The following NAA11 variants were observed in gnomAD, a reference collection of about 807,000 sequenced individuals.
NAA11 encodes the protein N-alpha-acetyltransferase 11, NatA catalytic subunit.
Under a neutral mutation model 16.1 loss-of-function variants are expected in NAA11, and 15 were observed. The observed-to-expected ratio is 0.93, with a 90% CI of 0.62 to 1.44. The LOEUF is 1.44. Ranked by LOEUF, NAA11 falls within the 40% of genes most tolerant of loss-of-function variation. The pLI is 0.00. For synonymous variants in NAA11, 122 were observed against 112.4 expected, an observed-to-expected ratio of 1.09 and a Z score of -0.54; for missense variants, 298 against 291.3, an observed-to-expected ratio of 1.02 and a Z score of -0.17.
At chr4:79,156,151 G>A in the NAA11 span, among the ~76,000 whole-genome samples, 3 of 152,032 alleles carry the variant, frequency 2.0e-5, no homozygotes, top group African/African-American at 7.2e-5. Context: ...ACCTACATAT[G>A]TATATTTGTA....
the NAA11 span, among the ~76,000 whole-genome samples, chr4:79,213,144 C>A: frequency 6.6e-6 from 1 of 152,126 alleles, no homozygotes; most frequent in Non-Finnish European, 1.5e-5. Context: ...GTGGGGCTAT[C>A]AAGCTAACAA....
chr4:79,235,254 C>T (rs1002929000), intron 2 of NAA11, among the ~76,000 whole-genome samples: 15 of 152,164 alleles, frequency 9.9e-5, no homozygotes, highest in South Asian at 2.1e-4. Context: ...ACAGGATTCA[C>T]GCTTCCCTGA....
At chr4:79,215,269 G>C in the NAA11 span, among the ~76,000 whole-genome samples, 7 of 152,176 alleles carry the variant, frequency 4.6e-5, no homozygotes, top group Non-Finnish European at 8.8e-5. Context: ...GAGACATTGA[G>C]TGACTTGTTT....
chr4:79,229,541 A>C (rs1721409216), intron 2 of NAA11, among the ~76,000 whole-genome samples: 1 of 151,596 alleles, frequency 6.6e-6, no homozygotes, highest in Non-Finnish European at 1.5e-5. Context: ...AATTCATAAA[A>C]ATGTTTTTGA....
chr4:79,252,132 A>G (rs966440912), intron 2 of NAA11, among the ~76,000 whole-genome samples: 4 of 152,218 alleles, frequency 2.6e-5, no homozygotes, highest in African/African-American at 9.6e-5. Context: ...AAGCTAAACA[A>G]TGGGTTGCAT....
At chr4:79,192,244 G>A in the NAA11 span, among the ~76,000 whole-genome samples, 6 of 148,808 alleles carry the variant, frequency 4.0e-5, no homozygotes, top group African/African-American at 1.5e-4. Flanking sequence ...TTTTTTTTTT[G>A]TACTTTAGGT....
downstream of NAA11, among the ~76,000 whole-genome samples, chr4:79,312,646 C>CAAG (rs1723808046): frequency 1.4e-5 from 1 of 69,448 alleles, no homozygotes; most frequent in Admixed American, 1.7e-4. Flanking sequence ...GACTCCATCT[C>CAAG]AAAAAAAAAA....
chr4:79,306,075 C>A (rs1350846434), intron 1 of NAA11, among the ~76,000 whole-genome samples: 1 of 152,152 alleles, frequency 6.6e-6, no homozygotes, highest in Non-Finnish European at 1.5e-5. Flanking sequence ...AGAATATTCA[C>A]AGCCACAGTT....
intron 1 of NAA11, among the ~76,000 whole-genome samples, chr4:79,301,029 G>A (rs1016958726): frequency 1.3e-5 from 2 of 152,170 alleles, no homozygotes; most frequent in African/African-American, 4.8e-5. Context: ...TCATGTCTCT[G>A]CCATTTATTA....
chr4:79,249,687 T>C (rs2109966993), intron 2 of NAA11, among the ~76,000 whole-genome samples: 1 of 152,326 alleles, frequency 6.6e-6, no homozygotes, highest in South Asian at 2.1e-4. Context: ...GGAAAACATA[T>C]TTCAGGATAT....
chr4:79,246,463 C>G (rs1317066049), intron 2 of NAA11, among the ~76,000 whole-genome samples: 1 of 150,386 alleles, frequency 6.6e-6, no homozygotes, highest in Non-Finnish European at 1.5e-5. Context: ...TTTAAAGAAT[C>G]CTTTAAAATG....
the NAA11 span, among the ~76,000 whole-genome samples, chr4:79,220,316 G>C: frequency 6.6e-6 from 1 of 151,960 alleles, no homozygotes; most frequent in Admixed American, 6.6e-5. Flanking sequence ...TGATCTGGAG[G>C]TCCTGACCCC....
At chr4:79,181,609 A>T in the NAA11 span, among the ~76,000 whole-genome samples, 1 of 152,186 alleles carries the variant, frequency 6.6e-6, no homozygotes, top group Non-Finnish European at 1.5e-5. Flanking sequence ...GGCACATTAT[A>T]GTTAAGTTTC....
At chr4:79,238,825 T>C (rs930327037) in intron 2 of NAA11, among the ~76,000 whole-genome samples, 9 of 152,218 alleles carry the variant, frequency 5.9e-5, no homozygotes, top group Non-Finnish European at 1.3e-4. Context: ...TAGATTTATT[T>C]GCCAGTATAT....
intron 1 of NAA11, among the ~76,000 whole-genome samples, chr4:79,295,593 C>T (rs987659920): frequency 2.0e-5 from 3 of 152,098 alleles, no homozygotes; most frequent in Non-Finnish European, 4.4e-5. Context: ...GGTTTATCCC[C>T]CCAAACCGTA....
the NAA11 span, among the ~76,000 whole-genome samples, chr4:79,161,353 G>C: frequency 1.3e-5 from 2 of 151,984 alleles, no homozygotes; most frequent in Non-Finnish European, 2.9e-5. Flanking sequence ...GTTTATTTCT[G>C]GATCTAAATT....
chr4:79,245,856 G>A (rs76249702), intron 2 of NAA11, among the ~76,000 whole-genome samples: 5 of 152,300 alleles, frequency 3.3e-5, no homozygotes, highest in Admixed American at 1.3e-4. Flanking sequence ...CCCTCTGCCC[G>A]GCGGCCACCC....
chr4:79,203,113 G>C, the NAA11 span, among the ~76,000 whole-genome samples: 1 of 151,416 alleles, frequency 6.6e-6, no homozygotes, highest in Non-Finnish European at 1.5e-5. Flanking sequence ...CATTTATAAA[G>C]CTTTGCTTGC....
rs115743846 is a variant in NAA11, at chr4:79,292,340, A to G, written c.*122+1665T>C. Among the ~76,000 whole-genome samples the G allele has an allele frequency of 7.1e-3, 1,074 of 152,328 alleles. 12 individuals carry two copies. The highest frequency in any genetic ancestry group is 0.022 in the African/African-American group (905 of 41,586). The stretch of plus-strand genomic sequence containing the variant: ...GAAAACTTTCTATATCTGGTGGTTC[A>G]TGGGTTAAACTCAGTTGTCACCCGA... On this transcript the variant is annotated intron_variant and NMD_transcript_variant, in intron 2 of 2. Coordinates refer to the NAA11 transcript ENST00000511542.
Sources: gnomAD v4.1 joint callset for allele counts (sites outside exome capture counted in the v4.1 genomes callset) on GRCh38, gnomAD v4.1.1 for gene constraint, MANE v1.5 for transcripts, NCBI Gene and HGNC (gene_info 2026-07-23, HGNC 2026-07-21) for gene names.